Variants in NRXN3 observed in about 807,000 individuals in gnomAD.
NRXN3 encodes neurexin III.
In NRXN3, 32 loss-of-function variants were observed where a neutral mutation model predicts 137.6. The ratio of observed to expected loss-of-function variants is 0.23; its 90% CI spans 0.18 to 0.31. The LOEUF (loss-of-function observed/expected upper bound fraction) is 0.31. Ranked by LOEUF, NRXN3 falls within the 10% of genes least tolerant of loss-of-function variation. The probability of loss-of-function intolerance (pLI) is 1.00; values close to 1 mark genes in which losing one functional copy is unlikely to be tolerated. For missense variants in NRXN3, 1,574 were observed against 2,062.5 expected (o/e 0.76, Z 4.59); for synonymous variants, 798 against 784.5 (o/e 1.02, Z -0.29).
chr14:79,741,362 G>A (rs1312828986), intron 19 of NRXN3, among the ~76,000 whole-genome samples: 3 of 152,104 alleles, frequency 2.0e-5, no homozygotes, highest in African/African-American at 7.2e-5. Context: ...TATGAAAGGT[G>A]TTATTAATAG....
In NRXN3 at chr14:78,216,763, G is replaced by A. The variant is rs536428486; in HGVS notation, c.-703-25628G>A. Among the ~76,000 whole-genome samples the A allele has an allele frequency of 3.3e-5, 5 of 152,334 alleles. No individual in the cohort carries two copies. The South Asian group carries it at 6.2e-4, about 19-fold the overall frequency. ...GCCAGAAGTCTGAAACCAAGGTGTT[G>A]GCAGGGCCACGGTCCCTCTGAAGGC... is the stretch of plus-strand genomic sequence containing the variant. On this transcript the variant is annotated intron_variant, in intron 1 of 20. Transcript: ENST00000335750.
chr14:78,202,026 G>A (rs1464316356), intron 1 of NRXN3, among the ~76,000 whole-genome samples: 1 of 152,216 alleles, frequency 6.6e-6, no homozygotes, highest in Non-Finnish European at 1.5e-5. Context: ...GGAAGAATGG[G>A]TGGCTGGTTC....
intron 15 of NRXN3, among the ~76,000 whole-genome samples, chr14:79,362,338 A>C (rs1599177173): frequency 6.6e-6 from 1 of 151,516 alleles, no homozygotes; most frequent in Admixed American, 6.6e-5. Flanking sequence ...TAAGAAATAC[A>C]ATAAACAAAG....
chr14:79,339,018 A>AC (rs1375401866), intron 15 of NRXN3, among the ~76,000 whole-genome samples: 1 of 152,138 alleles, frequency 6.6e-6, no homozygotes, highest in Admixed American at 6.6e-5. Flanking sequence ...AATAAATCCT[A>AC]CCCCTTTTGA....
At chr14:79,173,649 C>T (rs74566497) in intron 15 of NRXN3, among the ~76,000 whole-genome samples, 5,325 of 151,072 alleles carry the variant, frequency 0.035, 250 homozygotes, top group East Asian at 0.23. Flanking sequence ...TAGTTATAAC[C>T]AAAAACCCAA....
intron 4 of NRXN3, among the ~76,000 whole-genome samples, chr14:78,523,816 C>CAAAAAAAAAAAAAAAAAAAAAA (rs56083130): frequency 4.5e-4 from 28 of 61,576 alleles, no homozygotes; most frequent in Non-Finnish European, 5.8e-4. Context: ...GACTCTGTCT[C>CAAAAAAAAAAAAAAAAAAAAAA]AAAAAAAAAA....
Position 79,863,814 on chromosome 14 carries a change from G to A in NRXN3, c.*1850G>A, listed in dbSNP as rs1184113497. The A allele has an allele frequency of 6.6e-6, 1 of 152,568 alleles. No individual in the cohort carries two copies. Among genetic ancestry groups the A allele is most frequent in the East Asian group, 1.9e-4 (1 of 5,180 alleles). 9.5% of individuals were successfully genotyped at this position (152,568 alleles called of 1,614,324 possible). A position where few individuals can be genotyped will look rare whatever the true frequency, so the allele number is the denominator to read the frequency against. On this transcript the variant is annotated 3_prime_UTR_variant, in exon 21 of 21. Coordinates refer to ENST00000335750, the MANE Select transcript of NRXN3 (RefSeq NM_001330195.2). ...GATATACAATTTCTTTTGTACAGAT[G>A]AAAATCAATCAGCTGCTTAGATTTA...
intron 10 of NRXN3, among the ~76,000 whole-genome samples, chr14:78,882,824 CA>C (rs2099133021): frequency 6.6e-6 from 1 of 151,418 alleles, no homozygotes; most frequent in African/African-American, 2.5e-5. Flanking sequence ...TGTGAGGGGC[CA>C]GGGGCAGAAT....
At chr14:78,937,478 T>G (rs1235281742) in intron 10 of NRXN3, among the ~76,000 whole-genome samples, 1 of 152,216 alleles carries the variant, frequency 6.6e-6, no homozygotes, top group African/African-American at 2.4e-5. Context: ...TGCTCACTGT[T>G]CCTGTTTTGA....
chr14:79,306,306 C>A (rs767319217), intron 15 of NRXN3, among the ~76,000 whole-genome samples: 4 of 152,108 alleles, frequency 2.6e-5, no homozygotes, highest in Non-Finnish European at 5.9e-5. Flanking sequence ...GAAGTCTCCT[C>A]ATTTAGACAA....
chr14:79,573,031 T>C (rs915420712), intron 16 of NRXN3: 6 of 152,094 alleles, frequency 3.9e-5, no homozygotes, highest in African/African-American at 1.4e-4. Flanking sequence ...GCTTTGAGAG[T>C]TGCTTTGTTG....
At chr14:79,551,301 G>A (rs2097370445) in intron 16 of NRXN3, among the ~76,000 whole-genome samples, 1 of 152,080 alleles carries the variant, frequency 6.6e-6, no homozygotes, top group Non-Finnish European at 1.5e-5. Context: ...TTGAAGGAGG[G>A]AGAAGGAGCA....
intron 16 of NRXN3, among the ~76,000 whole-genome samples, chr14:79,487,943 C>G (rs976144589): frequency 1.3e-5 from 2 of 152,182 alleles, no homozygotes; most frequent in Non-Finnish European, 2.9e-5. Context: ...AGGACTGCAT[C>G]TGGGATACTG....
At chr14:79,159,388 G>A (rs2060548915) in intron 15 of NRXN3, among the ~76,000 whole-genome samples, 1 of 151,764 alleles carries the variant, frequency 6.6e-6, no homozygotes, top group African/African-American at 2.4e-5. Flanking sequence ...GAGCACAGTG[G>A]TCTTGACACT....
chr14:79,180,335 A>T (rs2062789961), intron 15 of NRXN3, among the ~76,000 whole-genome samples: 1 of 152,204 alleles, frequency 6.6e-6, no homozygotes, highest in South Asian at 2.1e-4. Flanking sequence ...GAAATTTGAA[A>T]TCATAGTCTC....
At chr14:79,577,097 TG>T (rs2097672048) in intron 16 of NRXN3, among the ~76,000 whole-genome samples, 1 of 152,102 alleles carries the variant, frequency 6.6e-6, no homozygotes, top group South Asian at 2.1e-4. Flanking sequence ...GTTTTATAAA[TG>T]GGGGTTCCCC....
intron 17 of NRXN3, among the ~76,000 whole-genome samples, chr14:79,678,119 T>A (rs2098650461): frequency 6.6e-6 from 1 of 151,852 alleles, no homozygotes; most frequent in Non-Finnish European, 1.5e-5. Context: ...TTTGTGCCAC[T>A]CACCACTCTC....
intron 4 of NRXN3, among the ~76,000 whole-genome samples, chr14:78,568,216 G>T (rs2096854788): frequency 6.6e-6 from 1 of 152,162 alleles, no homozygotes. Flanking sequence ...GGTATTAGGA[G>T]GGGGGCCTTT....
intron 19 of NRXN3, among the ~76,000 whole-genome samples, chr14:79,758,929 T>G (rs1311926542): frequency 2.0e-5 from 3 of 152,240 alleles, no homozygotes; most frequent in Non-Finnish European, 4.4e-5. Context: ...TTTCTCATCC[T>G]TGGAAGAGAG....
Sources: gnomAD v4.1 joint callset for allele counts (sites outside exome capture counted in the v4.1 genomes callset) on GRCh38, gnomAD v4.1.1 for gene constraint, MANE v1.5 for transcripts, NCBI Gene and HGNC (gene_info 2026-07-23, HGNC 2026-07-21) for gene names.